The following ITGAV variants were observed in gnomAD, a reference collection of about 807,000 sequenced individuals.
ITGAV encodes integrin subunit alpha V, also known as integrin alpha-V.
In ITGAV, 76 loss-of-function variants were observed where a neutral mutation model predicts 143.8. The observed-to-expected ratio is 0.53, with a 90% confidence interval of 0.44 to 0.64. ITGAV has a LOEUF of 0.64. Among genes scored for constraint, ITGAV ranks in the 30% least tolerant of loss-of-function variants. The pLI, the probability that ITGAV is intolerant of heterozygous loss-of-function variation, is 0.00. For synonymous variants in ITGAV, 453 were observed against 446.7 expected, an observed-to-expected ratio of 1.01 and a Z score of -0.18; for missense variants, 1,193 against 1,274.7, an observed-to-expected ratio of 0.94 and a Z score of 0.98.
chr2:186,601,322 A>G (rs1686897440), intron 1 of ITGAV, among the ~76,000 whole-genome samples: 1 of 152,088 alleles, frequency 6.6e-6, no homozygotes, highest in Non-Finnish European at 1.5e-5. Context: ...TTAGCTTAGC[A>G]TGGTGGCATA....
At chr2:186,653,155 C>T (rs1274249984) in intron 15 of ITGAV, among the ~76,000 whole-genome samples, 1 of 151,966 alleles carries the variant, frequency 6.6e-6, no homozygotes, top group East Asian at 1.9e-4. Context: ...CCTTGTTAGC[C>T]AGGATGGTCT....
chr2:186,636,975 T>A, intron 7 of ITGAV, 90 bp from the exon 8 acceptor site: 1 of 1,060,564 alleles, frequency 9.4e-7, no homozygotes, highest in East Asian at 2.4e-5. Flanking sequence ...AGGAGTTTCT[T>A]GAAAATATTT....
intron 2 of ITGAV, among the ~76,000 whole-genome samples, chr2:186,615,541 A>G (rs1024721009): frequency 6.6e-6 from 1 of 151,958 alleles, no homozygotes; most frequent in African/African-American, 2.4e-5. Flanking sequence ...TTTGATTTGC[A>G]TTTACCCGAT....
chr2:186,620,577 A>C (rs1410441229), intron 2 of ITGAV, among the ~76,000 whole-genome samples: 2 of 152,194 alleles, frequency 1.3e-5, no homozygotes, highest in African/African-American at 4.8e-5. Context: ...AGCCTGGACA[A>C]CATGATGAAA....
intron 15 of ITGAV, among the ~76,000 whole-genome samples, chr2:186,654,436 T>C (rs942772594): frequency 2.0e-5 from 3 of 152,110 alleles, no homozygotes; most frequent in African/African-American, 7.2e-5. Context: ...CTTTTTTTCA[T>C]CAAGGTACCA....
At chr2:186,663,942 G>A (rs1210989137) in intron 19 of ITGAV, 107 bp downstream of exon 19, 16 of 724,578 alleles carry the variant, frequency 2.2e-5, no homozygotes, top group Non-Finnish European at 1.7e-5. Flanking sequence ...ATCCTGGAGG[G>A]TAATGCCTGA....
intron 13 of ITGAV, among the ~76,000 whole-genome samples, chr2:186,649,423 C>T (rs1029475014): frequency 7.2e-5 from 11 of 151,800 alleles, no homozygotes; most frequent in East Asian, 1.9e-4. Context: ...CTTGCTGATT[C>T]GAGTGCTATC....
intron 5 of ITGAV, among the ~76,000 whole-genome samples, chr2:186,632,073 A>AT (rs1221876461): frequency 6.6e-6 from 1 of 151,664 alleles, no homozygotes; most frequent in Non-Finnish European, 1.5e-5. Flanking sequence ...TATTTTATTA[A>AT]TTTTTTTTCT....
In ITGAV at chr2:186,656,987, AACACACAC is replaced by A. The variant is rs56249746; in HGVS notation, c.1719+616_1719+623del. Among the ~76,000 whole-genome samples the A allele has an allele frequency of 1.6e-3, 222 of 139,412 alleles. 1 individual carries two copies. Among genetic ancestry groups the A allele is most frequent in the Middle Eastern group, 7.1e-3 (2 of 282 alleles). The allele number at this position is 139,412 out of a possible 152,430, so 91.5% of individuals were successfully genotyped here. A position where few individuals can be genotyped will look rare whatever the true frequency, so the allele number is the denominator to read the frequency against. Reference sequence around the variant, plus strand: ...AGTTTGATCAAATATGAATTCATTAAACACACACACACACACACACACACACACACACA... The same window carrying A: ...AGTTTGATCAAATATGAATTCATTAAACACACACACACACACACACACACA... On this transcript the variant is annotated intron_variant, in intron 17 of 29. Coordinates refer to ENST00000261023, the MANE Select transcript of ITGAV (RefSeq NM_002210.5).
In ITGAV at chr2:186,675,919, T is replaced by G. The variant is rs781075410; in HGVS notation, c.2920T>G (p.Ser974Ala). Reference sequence around the variant, plus strand: ...TCTTCCAATTGAGGATATCACCAACTCCACATTGGTAAGTCATTGGTTTAG... The same window carrying G: ...TCTTCCAATTGAGGATATCACCAACGCCACATTGGTAAGTCATTGGTTTAG... ...KNLPIEDITN[S>A]TLVTTNVTWG... is the part of the protein sequence containing the mutation. Residue 974 changes from serine (S) to alanine (A), a missense_variant, in exon 28 of 30, where the codon TCC becomes GCC. Transcript: ENST00000261023. 6.6e-7 allele frequency: 1 copy of G among 1,526,068 alleles called. No individual in the cohort carries two copies. The highest frequency in any genetic ancestry group is 1.7e-5 in the Admixed American group (1 of 59,682). 94.5% of individuals were successfully genotyped at this position (1,526,068 alleles called of 1,614,324 possible).
chr2:186,625,678 T>TGTGTGTGAGAGA (rs5836988), intron 4 of ITGAV, 91 bp downstream of exon 4: 2 of 451,368 alleles, frequency 4.4e-6, no homozygotes, highest in Non-Finnish European at 8.0e-6. Context: ...TGTGTGTGTG[T>TGTGTGTGAGAGA]GAGAGAGAGA....
At chr2:186,592,306 G>A (rs535387740) in intron 1 of ITGAV, among the ~76,000 whole-genome samples, 8 of 152,266 alleles carry the variant, frequency 5.3e-5, no homozygotes, top group Non-Finnish European at 1.2e-4. Context: ...GGGCATGGTG[G>A]TGCACACCTG....
rs1689277778 is a variant in ITGAV at position 186,678,678 on chromosome 2, A to T, written c.*1386A>T. On this transcript the variant is annotated 3_prime_UTR_variant, in exon 30 of 30. Transcript: ENST00000261023. ...AGTGGTGAACCTTCTAGAGGAATAT[A>T]TGATTTATTCACAGTTCCTCAAGGC... The T allele has an allele frequency of 2.2e-6, 1 of 454,604 alleles. No homozygotes were observed. The highest frequency in any genetic ancestry group is 4.4e-6 in the Non-Finnish European group (1 of 226,004). 28.2% of individuals were successfully genotyped at this position (454,604 alleles called of 1,614,324 possible). A position where few individuals can be genotyped will look rare whatever the true frequency, so the allele number is the denominator to read the frequency against.
At chr2:186,644,800 A>G (rs1688207499) in intron 12 of ITGAV, among the ~76,000 whole-genome samples, 1 of 150,104 alleles carries the variant, frequency 6.7e-6, no homozygotes, top group South Asian at 2.2e-4. Context: ...TCAGCATCCA[A>G]TGGGGGCAGC....
intron 9 of ITGAV, 32 bp downstream of exon 9, chr2:186,638,352 T>C (rs761108726): frequency 6.2e-7 from 1 of 1,610,756 alleles, no homozygotes; most frequent in Non-Finnish European, 8.5e-7. Flanking sequence ...TTTTAAAAAA[T>C]CTCTAAGTTA....
At chr2:186,676,473 G>T (rs1574508066) in intron 28 of ITGAV, among the ~76,000 whole-genome samples, 14 of 152,050 alleles carry the variant, frequency 9.2e-5, no homozygotes, top group Admixed American at 9.2e-4. Context: ...GTATAGTGGC[G>T]CAGGCCTGTA....
chr2:186,642,732 GT>G (rs1331820004), intron 12 of ITGAV, among the ~76,000 whole-genome samples: 1 of 151,396 alleles, frequency 6.6e-6, no homozygotes, highest in African/African-American at 2.4e-5. Flanking sequence ...GTCTTCCCAT[GT>G]TACCCAGGCT....
intron 13 of ITGAV, among the ~76,000 whole-genome samples, chr2:186,648,193 T>C (rs1174808361): frequency 6.6e-6 from 1 of 152,228 alleles, no homozygotes; most frequent in Non-Finnish European, 1.5e-5. Context: ...TATAATTCTT[T>C]TGCATATCTC....
rs772804832 is a variant in ITGAV, at chr2:186,675,858, T to A, written c.2859T>A (p.Ser953=). The stretch of plus-strand genomic sequence containing the variant: ...ATCATTCCTATTCTCTGAAGTCGTC[T>A]GCTTCATTTAATGTCATAGAGTTTC... ...NQNHSYSLKS[S]ASFNVIEFPY... Residue 953 remains serine, a synonymous_variant, in exon 28 of 30, where the codon TCT becomes TCA. Transcript: ENST00000261023. The A allele has an allele frequency of 6.2e-7, 1 of 1,608,992 alleles. No individual in the cohort carries two copies. The highest frequency in any genetic ancestry group is 1.3e-5 in the African/African-American group (1 of 74,752).
Sources: allele counts gnomAD v4.1 joint callset (sites outside exome capture counted in the v4.1 genomes callset), GRCh38; gene constraint gnomAD v4.1.1; transcripts MANE v1.5; gene names NCBI Gene and HGNC (gene_info 2026-07-23, HGNC 2026-07-21).